Variants in CACNA1C observed in about 807,000 individuals in gnomAD.
CACNA1C encodes voltage-dependent L-type calcium channel subunit alpha-1C.
A neutral mutation model predicts 229.0 loss-of-function variants in CACNA1C; 30 were observed. The ratio of observed to expected loss-of-function variants is 0.13; its 90% CI spans 0.10 to 0.18. CACNA1C has a LOEUF of 0.18. Among genes scored for constraint, CACNA1C ranks in the 10% least tolerant of loss-of-function variants. The pLI, the probability that CACNA1C is intolerant of heterozygous loss-of-function variation, is 1.00. For missense variants in CACNA1C, 1,658 were observed against 2,845.0 expected (o/e 0.58, Z 9.49); for synonymous variants, 1,114 against 1,132.5 (o/e 0.98, Z 0.33).
In CACNA1C at chr12:2,215,569, T is replaced by G. The variant is rs529276177; in HGVS notation, c.477+95139T>G. Among the ~76,000 whole-genome samples the G allele has an allele frequency of 6.6e-6, 1 of 152,286 alleles. No individual in the cohort carries two copies. The highest frequency in any genetic ancestry group is 6.5e-5 in the Admixed American group (1 of 15,304). On this transcript the variant is annotated intron_variant, in intron 3 of 46. Transcript: ENST00000399655. This position sits in a 1 kb window ranked among gnomAD's most constrained non-coding sequence, Gnocchi z 5.0. ...CCCTGTCCCCCACACCGTTAACACT[T>G]TTACATCAGCATTGCACATGGACAT...
At chr12:2,155,864 C>A (rs1037264561) in intron 3 of CACNA1C, among the ~76,000 whole-genome samples, 2 of 152,104 alleles carry the variant, frequency 1.3e-5, no homozygotes, top group Admixed American at 1.3e-4. Context: ...TATTTTTGAA[C>A]CTGAGGATTT....
intron 1 of CACNA1C, among the ~76,000 whole-genome samples, chr12:2,111,427 T>C (rs1222136499): frequency 6.6e-6 from 1 of 152,070 alleles, no homozygotes; most frequent in African/African-American, 2.4e-5. Flanking sequence ...AGGCTGGGGC[T>C]TCCTGCCCTC....
chr12:2,142,042 CA>C (rs761352424), intron 3 of CACNA1C, among the ~76,000 whole-genome samples: 19 of 151,120 alleles, frequency 1.3e-4, no homozygotes, highest in Non-Finnish European at 3.0e-5. Flanking sequence ...ATTGGGGAGG[CA>C]GCACTGAATG....
intron 1 of CACNA1C, among the ~76,000 whole-genome samples, chr12:2,039,271 G>GT (rs2049679384): frequency 6.6e-6 from 1 of 152,154 alleles, no homozygotes; most frequent in South Asian, 2.1e-4. Flanking sequence ...CTGCCAGGGA[G>GT]TTTTTCCAGG....
chr12:2,245,997 T>C (rs2073027101), intron 3 of CACNA1C, among the ~76,000 whole-genome samples: 1 of 152,154 alleles, frequency 6.6e-6, no homozygotes, highest in Non-Finnish European at 1.5e-5. Context: ...TGTTGCTTAG[T>C]TGGAGTGAAA....
At chr12:2,086,657 C>T (rs1200132147) in intron 1 of CACNA1C, among the ~76,000 whole-genome samples, 1 of 152,190 alleles carries the variant, frequency 6.6e-6, no homozygotes. Flanking sequence ...ACTCAGTGAG[C>T]ATGGTCCATT....
rs371500918 is a variant in CACNA1C, at chr12:2,258,199, C to T, written c.477+137769C>T. Among the ~76,000 whole-genome samples the T allele has an allele frequency of 1.2e-4, 19 of 152,360 alleles. No individual in the cohort carries two copies. In the East Asian group the frequency reaches 1.9e-3, roughly 15 times the overall value. ...GTTATTTGCCAGAAGCTTTCACACA[C>T]ATGATCTCATTCATTGCTTTGAGGA... is the stretch of plus-strand genomic sequence containing the variant. On this transcript the variant is annotated intron_variant, in intron 3 of 46. Coordinates refer to ENST00000399655, the MANE Select transcript of CACNA1C (RefSeq NM_000719.7).
chr12:2,383,804 G>A (rs1351453625), intron 3 of CACNA1C, among the ~76,000 whole-genome samples: 1 of 152,212 alleles, frequency 6.6e-6, no homozygotes, highest in Non-Finnish European at 1.5e-5. Context: ...TGCAGAATGG[G>A]CCAGAGGGCA....
At chr12:2,568,751 G>A (rs965086593) in intron 13 of CACNA1C, among the ~76,000 whole-genome samples, 2 of 152,038 alleles carry the variant, frequency 1.3e-5, no homozygotes, top group African/African-American at 2.4e-5. Flanking sequence ...AATGGTGGGC[G>A]CCCAGGGCTG....
At chr12:2,434,290 G>A (rs570978889) in intron 3 of CACNA1C, among the ~76,000 whole-genome samples, 1 of 152,314 alleles carries the variant, frequency 6.6e-6, no homozygotes, top group African/African-American at 2.4e-5. Flanking sequence ...TATCTGAAGT[G>A]AGCTTCTCAG....
At chr12:2,369,736 A>G (rs1394138408) in intron 3 of CACNA1C, among the ~76,000 whole-genome samples, 2 of 152,168 alleles carry the variant, frequency 1.3e-5, no homozygotes, top group African/African-American at 4.8e-5. Context: ...AGACAAAGCA[A>G]ATTACAGGTG....
chr12:2,602,036 AG>A lies in CACNA1C; in HGVS notation c.2960+79del. 1.0e-6 allele frequency: 1 copy of A among 963,036 alleles called. No homozygotes were observed. The highest frequency in any genetic ancestry group is 1.7e-6 in the Non-Finnish European group (1 of 594,236). The allele number at this position is 963,036 out of a possible 1,614,324, so 59.7% of individuals were successfully genotyped here. A position where few individuals can be genotyped will look rare whatever the true frequency, so the allele number is the denominator to read the frequency against. ...GCCAGAGAGGACAACCAGACCCTGG[AG>A]GGCCTGCCTGCAGGGCCACCGCAGT... On this transcript the variant is annotated intron_variant, in intron 22 of 46. Coordinates refer to ENST00000399655, the MANE Select transcript of CACNA1C (RefSeq NM_000719.7). The surrounding 1 kb of genome is among the most constrained non-coding windows in gnomAD (Gnocchi z 4.4).
chr12:2,509,083 G>A (rs535313972), intron 8 of CACNA1C, among the ~76,000 whole-genome samples: 14 of 152,310 alleles, frequency 9.2e-5, no homozygotes, highest in African/African-American at 2.2e-4. Flanking sequence ...AGAGGCCCAC[G>A]ATTTCTTACA....
chr12:2,615,519 G>A (rs1414659114), intron 29 of CACNA1C, among the ~76,000 whole-genome samples: 1 of 152,178 alleles, frequency 6.6e-6, no homozygotes, highest in Non-Finnish European at 1.5e-5. Flanking sequence ...TCCTCAAACT[G>A]ATCCATAGGC....
chr12:2,259,181 C>G (rs541525893), intron 3 of CACNA1C, among the ~76,000 whole-genome samples: 1 of 152,290 alleles, frequency 6.6e-6, no homozygotes, highest in Admixed American at 6.5e-5. Context: ...ATCAAAATCA[C>G]CTGGGAACCT....
chr12:2,665,084 A>T lies in CACNA1C; in HGVS notation c.4398+94A>T, dbSNP rs2096001245. ...ATCTCTGCAGCTCATGGTCAGGGCAACCCTATCAGAGGAGCTGGCTTGGGA... is the reference window on the plus strand; with the variant it reads ...ATCTCTGCAGCTCATGGTCAGGGCATCCCTATCAGAGGAGCTGGCTTGGGA... On this transcript the variant is annotated intron_variant, in intron 35 of 46. Coordinates refer to ENST00000399655, the MANE Select transcript of CACNA1C (RefSeq NM_000719.7). This position sits in a 1 kb window ranked among gnomAD's most constrained non-coding sequence, Gnocchi z 5.9. The T allele has an allele frequency of 4.4e-6, 6 of 1,350,202 alleles. No individual in the cohort carries two copies. Among genetic ancestry groups the T allele is most frequent in the Non-Finnish European group, 6.3e-6 (6 of 958,098 alleles). The allele number at this position is 1,350,202 out of a possible 1,614,324, so 83.6% of individuals were successfully genotyped here.
intron 3 of CACNA1C, among the ~76,000 whole-genome samples, chr12:2,422,371 G>C (rs1171930748): frequency 1.3e-5 from 2 of 152,190 alleles, no homozygotes; most frequent in East Asian, 3.9e-4. Flanking sequence ...TATGAACCAA[G>C]CTGAGCCTTC....
At chr12:2,136,147 G>T (rs1169559765) in intron 3 of CACNA1C, among the ~76,000 whole-genome samples, 1 of 151,438 alleles carries the variant, frequency 6.6e-6, no homozygotes, top group East Asian at 1.9e-4. Context: ...GTGAGGCAAT[G>T]CCTCGCCCTG....
chr12:2,360,704 G>T (rs1253145049), intron 3 of CACNA1C, among the ~76,000 whole-genome samples: 2 of 152,192 alleles, frequency 1.3e-5, no homozygotes, highest in African/African-American at 4.8e-5. Flanking sequence ...GAGACACCCG[G>T]ACTGGACAGT....
Sources: gnomAD v4.1 joint callset for allele counts (sites outside exome capture counted in the v4.1 genomes callset) on GRCh38, gnomAD v4.1.1 for gene constraint, Gnocchi (gnomAD v3.1) non-coding constraint, MANE v1.5 for transcripts, NCBI Gene and HGNC (gene_info 2026-07-23, HGNC 2026-07-21) for gene names.